Variants in CHD6 observed in about 807,000 individuals in gnomAD.
CHD6 encodes chromodomain helicase DNA binding protein 6, also known as ATP-dependent chromatin remodeler CHD6.
In CHD6, 50 loss-of-function variants were observed where a neutral mutation model predicts 276.9. That is an observed-to-expected ratio of 0.18 (90% confidence interval 0.14 to 0.23). The LOEUF is 0.23. Ranked by LOEUF, CHD6 falls within the 10% of genes least tolerant of loss-of-function variation. CHD6 has a pLI of 1.00. For missense variants in CHD6, 2,564 were observed against 3,365.8 expected (o/e 0.76, Z 5.89); for synonymous variants, 1,173 against 1,229.3 (o/e 0.95, Z 0.96).
chr20:41,491,692 C>A lies in CHD6; in HGVS notation c.1436+6G>T. On this transcript the variant is annotated splice_donor_region_variant and intron_variant, in intron 11 of 36. Transcript: ENST00000373233. The stretch of plus-strand genomic sequence containing the variant: ...ACAAACATCTGGGCTGGTTTTGGTT[C>A]CTTACCTGTTATACCAGTTAAAAAG... 6.2e-7 allele frequency: 1 copy of A among 1,613,678 alleles called. No homozygotes were observed. The highest frequency in any genetic ancestry group is 1.1e-5 in the South Asian group (1 of 91,050).
intron 1 of CHD6, among the ~76,000 whole-genome samples, chr20:41,568,111 T>C (rs959177183): frequency 1.3e-5 from 2 of 152,198 alleles, no homozygotes; most frequent in African/African-American, 4.8e-5. Context: ...GATAAAACTA[T>C]CATTTAAAAG....
At chr20:41,611,584 G>A (rs1470581431) in intron 1 of CHD6, among the ~76,000 whole-genome samples, 3 of 151,826 alleles carry the variant, frequency 2.0e-5, no homozygotes, top group Non-Finnish European at 4.4e-5. Context: ...AACCCTAGGT[G>A]GTCTATTTCA....
chr20:41,553,720 A>T (rs1304024754), intron 1 of CHD6, among the ~76,000 whole-genome samples: 2 of 152,284 alleles, frequency 1.3e-5, no homozygotes, highest in Admixed American at 6.5e-5. Flanking sequence ...TTCTGCAGAA[A>T]GTAAAGATCG....
At chr20:41,506,497 A>G (rs945621397) in intron 5 of CHD6, among the ~76,000 whole-genome samples, 1 of 152,114 alleles carries the variant, frequency 6.6e-6, no homozygotes, top group African/African-American at 2.4e-5. Context: ...TTATTTGCTC[A>G]AATATTATAC....
intron 1 of CHD6, among the ~76,000 whole-genome samples, chr20:41,618,135 G>T (rs1277669584): frequency 1.3e-5 from 2 of 149,796 alleles, no homozygotes; most frequent in African/African-American, 2.4e-5. Flanking sequence ...GCCGCAGGCC[G>T]CCGCCTGCCC....
At chr20:41,443,225 C>A (rs2047954297) in intron 25 of CHD6, among the ~76,000 whole-genome samples, 1 of 152,210 alleles carries the variant, frequency 6.6e-6, no homozygotes, top group South Asian at 2.1e-4. Flanking sequence ...CTTCAACGAG[C>A]AGAAGAATTT....
chr20:41,573,565 G>A (rs907862390), intron 1 of CHD6, among the ~76,000 whole-genome samples: 1 of 152,014 alleles, frequency 6.6e-6, no homozygotes, highest in Non-Finnish European at 1.5e-5. Context: ...TCCAAATTAG[G>A]AGTAAGTGAT....
chr20:41,586,441 C>T (rs1056792626), intron 1 of CHD6, among the ~76,000 whole-genome samples: 7 of 152,190 alleles, frequency 4.6e-5, no homozygotes, highest in South Asian at 4.1e-4. Flanking sequence ...CTGGGTTCCA[C>T]GGTTCTCTTC....
intron 17 of CHD6, among the ~76,000 whole-genome samples, chr20:41,458,576 A>G (rs1177923268): frequency 6.6e-6 from 1 of 152,198 alleles, no homozygotes; most frequent in Admixed American, 6.5e-5. Context: ...ATATGTATAT[A>G]TACACACATA....
Position 41,533,087 on chromosome 20 carries a change from T to G in CHD6, c.517A>C (p.Thr173Pro). Residue 173 changes from threonine to proline, a missense_variant, in exon 3 of 37, where the codon ACT becomes CCT. Transcript: ENST00000373233. ...GACTTCGTCCTGGCTGCAGAGTCAG[T>G]GCAGCTCCTCTTCTCTTTGGCCTCC... is the stretch of plus-strand genomic sequence containing the variant. Reference protein sequence around the residue: ...TKEAKEKRSCTDSAARTKSRK... With the variant: ...TKEAKEKRSCPDSAARTKSRK... 6.2e-7 allele frequency: 1 copy of G among 1,611,272 alleles called. No homozygotes were observed. The highest frequency in any genetic ancestry group is 8.5e-7 in the Non-Finnish European group (1 of 1,179,128).
chr20:41,595,320 T>A (rs1002495264), intron 1 of CHD6, among the ~76,000 whole-genome samples: 4 of 152,150 alleles, frequency 2.6e-5, no homozygotes, highest in African/African-American at 9.7e-5. Flanking sequence ...GAATTAAGTC[T>A]GAAGCAAGTG....
Position 41,420,739 on chromosome 20 carries a change from C to A in CHD6, c.5896G>T (p.Asp1966Tyr), listed in dbSNP as rs748125227. 5 of 1,614,110 alleles carry A rather than the reference C, an allele frequency of 3.1e-6. No homozygotes were observed. The South Asian group carries it at 4.4e-5, about 14-fold the overall frequency. Residue 1966 changes from aspartate (D) to tyrosine (Y), a missense_variant, in exon 31 of 37, where the codon GAT becomes TAT. Physicochemically the swap from Asp to Tyr is radical, Grantham distance 160. This residue lies in a region of CHD6 where 1,024 missense variants were observed against 1,047.9 expected (regional missense o/e 0.98). Transcript: ENST00000373233. ...EIEKPKAYIP[D>Y]LFKSKTNTIA... is the part of the protein sequence containing the mutation. ...GTATTGGTTTTACTTTTGAACAGAT[C>A]TGGGATATAAGCCTTGGGTTTCTCG...
At chr20:41,510,335 A>G (rs1357736975) in intron 5 of CHD6, among the ~76,000 whole-genome samples, 1 of 152,180 alleles carries the variant, frequency 6.6e-6, no homozygotes, top group Non-Finnish European at 1.5e-5. Context: ...TTGGTTCTGC[A>G]GCAACGAGGA....
intron 1 of CHD6, among the ~76,000 whole-genome samples, chr20:41,586,695 C>CA (rs559287975): frequency 1.2e-3 from 176 of 152,270 alleles, no homozygotes; most frequent in Non-Finnish European, 1.7e-3. Flanking sequence ...AAACATCAGT[C>CA]AATATAATTC....
Position 41,498,811 on chromosome 20 carries a change from ATGTGTGTGTGTGTGTGTGTGTG to A in CHD6, c.915+462_915+483del, listed in dbSNP as rs71193638. Among the ~76,000 whole-genome samples, 837 of 86,608 alleles carry A rather than the reference ATGTGTGTGTGTGTGTGTGTGTG, an allele frequency of 9.7e-3. 10 individuals carry two copies. The highest frequency in any genetic ancestry group is 0.035 in the African/African-American group (600 of 17,086). 56.8% of individuals were successfully genotyped at this position (86,608 alleles called of 152,430 possible). On this transcript the variant is annotated intron_variant, in intron 6 of 36. Transcript: ENST00000373233. ...TATGTATGTATGTATGTATGTATGT[ATGTGTGTGTGTGTGTGTGTGTG>A]TGTGTGTGTGTGTGTATTTTAAATA...
At chr20:41,555,923 C>T (rs1359289218) in intron 1 of CHD6, among the ~76,000 whole-genome samples, 2 of 152,164 alleles carry the variant, frequency 1.3e-5, no homozygotes, top group African/African-American at 4.8e-5. Context: ...GAGGTTGTAG[C>T]GAGCCGAGAT....
chr20:41,416,589 T>C lies in CHD6; in HGVS notation c.6485A>G (p.Lys2162Arg). ...NGAALAAQIH[K>R]ESFLAPVFTK... ...GTCACTCCATTCTTGCCGGCTCACC[T>C]TGTGGATCTGGGCCGCCAATGCTGC... Residue 2162 changes from lysine to arginine, a missense_variant and splice_region_variant, in exon 33 of 37, where the codon AAG becomes AGG. Lys to Arg is a conservative substitution (Grantham distance 26, BLOSUM62 2). Coordinates refer to ENST00000373233, the MANE Select transcript of CHD6 (RefSeq NM_032221.5). 2 of 1,610,138 alleles carry C rather than the reference T, an allele frequency of 1.2e-6. No homozygotes were observed. The highest frequency in any genetic ancestry group is 1.7e-6 in the Non-Finnish European group (2 of 1,178,424).
In CHD6 at chr20:41,580,156, A is replaced by C. The variant is rs144635396; in HGVS notation, c.-23-28796T>G. Among the ~76,000 whole-genome samples the C allele has an allele frequency of 1.8e-3, 278 of 152,298 alleles. 1 individual carries two copies. The highest frequency in any genetic ancestry group is 0.012 in the South Asian group (60 of 4,820). ...AGATGGCACTGTTCGAATGCTATAAACTACTATTTTGATAAAGGGGTTCAG... is the reference window on the plus strand; with the variant it reads ...AGATGGCACTGTTCGAATGCTATAACCTACTATTTTGATAAAGGGGTTCAG... On this transcript the variant is annotated intron_variant, in intron 1 of 36. Transcript: ENST00000373233.
chr20:41,453,036 A>C (rs2048285756), intron 20 of CHD6, 94 bp from the exon 21 acceptor site: 2 of 979,650 alleles, frequency 2.0e-6, no homozygotes, highest in Non-Finnish European at 3.2e-6. Context: ...TTGGGATAGA[A>C]CCATGCCCCG....
Sources: allele counts gnomAD v4.1 joint callset (sites outside exome capture counted in the v4.1 genomes callset), GRCh38; gene constraint gnomAD v4.1.1; regional missense constraint gnomAD v4.1.1; transcripts MANE v1.5; gene names NCBI Gene and HGNC (gene_info 2026-07-23, HGNC 2026-07-21).